CDCA4: variants seen among roughly 807,000 people sequenced by gnomAD.
The protein encoded by CDCA4 is cell division cycle-associated protein 4.
For missense variants in CDCA4, 294 were observed against 322.1 expected, an observed-to-expected ratio of 0.91 and a Z score of 0.67; for synonymous variants, 130 against 137.0, an observed-to-expected ratio of 0.95 and a Z score of 0.36.
In CDCA4 at chr14:105,010,654, CAAAA is replaced by C. The variant is rs745420532; in HGVS notation, c.*546_*549del. On this transcript the variant is annotated 3_prime_UTR_variant, in exon 2 of 2. Coordinates refer to ENST00000336219, the MANE Select transcript of CDCA4 (RefSeq NM_017955.4). ...GCTCACTGCAAAAAACAAAACAAAA[CAAAA>C]AACCCTTATTTAAACCTTAAAAAAA... 3.3e-5 allele frequency: 5 copies of C among 152,630 alleles called. No homozygotes were observed. Among genetic ancestry groups the C allele is most frequent in the African/African-American group, 7.3e-5 (3 of 41,324 alleles). The allele number at this position is 152,630 out of a possible 1,614,324, so 9.5% of individuals were successfully genotyped here. A position where few individuals can be genotyped will look rare whatever the true frequency, so the allele number is the denominator to read the frequency against.
intron 1 of CDCA4, among the ~76,000 whole-genome samples, chr14:105,019,844 A>T (rs923430655): frequency 6.6e-6 from 1 of 152,078 alleles, no homozygotes; most frequent in Admixed American, 6.5e-5. Context: ...CATAGCTAGG[A>T]TTATGATTAC....
rs1187257324 is a variant in CDCA4 at position 105,011,835 on chromosome 14, A to G, written c.95T>C (p.Leu32Pro). 3 of 1,613,892 alleles carry G rather than the reference A, an allele frequency of 1.9e-6. No homozygotes were observed. Among genetic ancestry groups the G allele is most frequent in the Non-Finnish European group, 2.5e-6 (3 of 1,180,024 alleles). ...AGLKTVSSYS[L>P]QRQSLLDMSL... ...CATGTCCAGGAGCGACTGCCGCTGCAGGCTGTATGAGGACACTGTCTTCAA... is the reference window on the plus strand; with the variant it reads ...CATGTCCAGGAGCGACTGCCGCTGCGGGCTGTATGAGGACACTGTCTTCAA... Residue 32 changes from leucine (L) to proline (P), a missense_variant, in exon 2 of 2, where the codon CTG becomes CCG. By Grantham distance (98) the Leu-to-Pro change is moderately conservative. Coordinates refer to ENST00000336219, the MANE Select transcript of CDCA4 (RefSeq NM_017955.4).
At chr14:105,020,568 C>G in intron 1 of CDCA4, among the ~76,000 whole-genome samples, 1 of 152,346 alleles carries the variant, frequency 6.6e-6, no homozygotes, top group East Asian at 1.9e-4. Context: ...ATCCGCGGCC[C>G]TCTCCGCGGC....
chr14:105,014,084 G>C (rs1900579396), intron 1 of CDCA4, among the ~76,000 whole-genome samples: 1 of 152,186 alleles, frequency 6.6e-6, no homozygotes, highest in Non-Finnish European at 1.5e-5. Flanking sequence ...AAGGGTGCTT[G>C]CTATGGGATC....
intron 1 of CDCA4, among the ~76,000 whole-genome samples, chr14:105,019,278 G>A (rs543189724): frequency 1.5e-3 from 223 of 152,320 alleles, no homozygotes; most frequent in Non-Finnish European, 2.2e-3. Context: ...TAGGCCCACC[G>A]AGGCAGAGGC....
chr14:105,018,739 T>A (rs1009038209), intron 1 of CDCA4, among the ~76,000 whole-genome samples: 178 of 40,458 alleles, frequency 4.4e-3, no homozygotes, highest in African/African-American at 7.5e-3. Flanking sequence ...CCTGCTCAAT[T>A]TTTTTTTTTT....
chr14:105,019,356 A>G (rs1469387552), intron 1 of CDCA4, among the ~76,000 whole-genome samples: 4 of 152,146 alleles, frequency 2.6e-5, no homozygotes, highest in Non-Finnish European at 5.9e-5. Context: ...GTCCTTCACT[A>G]CAGCAGCAGT....
At chr14:105,020,404 T>C (rs567983421) in intron 1 of CDCA4, among the ~76,000 whole-genome samples, 2 of 152,292 alleles carry the variant, frequency 1.3e-5, no homozygotes, top group Admixed American at 1.3e-4. Context: ...CGATCCTGTT[T>C]GCGGGGCGAG....
chr14:105,010,999 G>T lies in CDCA4; in HGVS notation c.*205C>A. 1.6e-6 allele frequency: 1 copy of T among 620,982 alleles called. No homozygotes were observed. Among genetic ancestry groups the T allele is most frequent in the South Asian group, 2.1e-5 (1 of 48,380 alleles). The allele number at this position is 620,982 out of a possible 1,614,324, so 38.5% of individuals were successfully genotyped here. A position where few individuals can be genotyped will look rare whatever the true frequency, so the allele number is the denominator to read the frequency against. ...AGAAGACAAGAAGCCTTCCAGAACA[G>T]CCTCTGCCTGGCGCTCCACAGGGGG... is the stretch of plus-strand genomic sequence containing the variant. On this transcript the variant is annotated 3_prime_UTR_variant, in exon 2 of 2. Transcript: ENST00000336219.
chr14:105,020,214 G>A (rs1189219583), intron 1 of CDCA4, among the ~76,000 whole-genome samples: 1 of 152,218 alleles, frequency 6.6e-6, no homozygotes, highest in South Asian at 2.1e-4. Context: ...AAATAGAGTG[G>A]TTGTACGTAG....
At chr14:105,020,596 G>A (rs774314536) in intron 1 of CDCA4, among the ~76,000 whole-genome samples, 1 of 152,186 alleles carries the variant, frequency 6.6e-6, no homozygotes, top group African/African-American at 2.4e-5. Context: ...CGACAGAGGG[G>A]GCTGCGGCGC....
intron 1 of CDCA4, among the ~76,000 whole-genome samples, chr14:105,013,857 G>A (rs985491078): frequency 1.3e-5 from 2 of 152,158 alleles, no homozygotes; most frequent in African/African-American, 2.4e-5. Flanking sequence ...CAATGTTCAT[G>A]CAAAAAACAT....
At chr14:105,015,076 C>A (rs907654924) in intron 1 of CDCA4, among the ~76,000 whole-genome samples, 1 of 152,218 alleles carries the variant, frequency 6.6e-6, no homozygotes, top group African/African-American at 2.4e-5. Flanking sequence ...GACCCACAAC[C>A]ACACTGGGAA....
At chr14:105,012,533 C>G (rs578202035) in intron 1 of CDCA4, among the ~76,000 whole-genome samples, 2 of 152,344 alleles carry the variant, frequency 1.3e-5, no homozygotes, top group South Asian at 4.1e-4. Context: ...GACAGCCGGG[C>G]TGGAAAGCTG....
chr14:105,015,080 C>A (rs1372310927), intron 1 of CDCA4, among the ~76,000 whole-genome samples: 1 of 152,238 alleles, frequency 6.6e-6, no homozygotes. Flanking sequence ...CACAACCACA[C>A]TGGGAACCAG....
chr14:105,013,009 C>T (rs1026489522), intron 1 of CDCA4, among the ~76,000 whole-genome samples: 1 of 152,208 alleles, frequency 6.6e-6, no homozygotes, highest in Admixed American at 6.5e-5. Flanking sequence ...CAGTGTTTCT[C>T]GGCGTATGCC....
At position 105,011,941 on chromosome 14, in the gene CDCA4, G is replaced by C. The variant is rs1454241303; in HGVS notation, c.-6-6C>G. 4.4e-6 allele frequency: 7 copies of C among 1,592,626 alleles called. No individual in the cohort carries two copies. Among genetic ancestry groups the C allele is most frequent in the Non-Finnish European group, 6.0e-6 (7 of 1,168,142 alleles). On this transcript the variant is annotated splice_region_variant and splice_polypyrimidine_tract_variant and intron_variant, in intron 1 of 1. Coordinates refer to ENST00000336219, the MANE Select transcript of CDCA4 (RefSeq NM_017955.4). ...CCTCGTGCAAACATTGTGTCCTGCAGAAACCAAGGAAGACACCACTTAGCA... is the reference window on the plus strand; with the variant it reads ...CCTCGTGCAAACATTGTGTCCTGCACAAACCAAGGAAGACACCACTTAGCA...
At chr14:105,020,080 C>T (rs1209951094) in intron 1 of CDCA4, among the ~76,000 whole-genome samples, 1 of 152,180 alleles carries the variant, frequency 6.6e-6, no homozygotes, top group Non-Finnish European at 1.5e-5. Flanking sequence ...GTTCCAGTGG[C>T]AAGTTGAGGG....
chr14:105,013,118 G>A (rs938252992), intron 1 of CDCA4, among the ~76,000 whole-genome samples: 1 of 152,036 alleles, frequency 6.6e-6, no homozygotes, highest in African/African-American at 2.4e-5. Flanking sequence ...TTGCTGGGCA[G>A]GTTCCACTAA....
Sources: gnomAD v4.1 joint callset for allele counts (sites outside exome capture counted in the v4.1 genomes callset) on GRCh38, gnomAD v4.1.1 for gene constraint, MANE v1.5 for transcripts, NCBI Gene and HGNC (gene_info 2026-07-23, HGNC 2026-07-21) for gene names.